LRP1B: variants seen among roughly 807,000 people sequenced by gnomAD.
LRP1B encodes low-density lipoprotein receptor-related protein 1B.
A neutral mutation model predicts 556.6 loss-of-function variants in LRP1B; 217 were observed. The observed-to-expected ratio is 0.39, with a 90% CI of 0.35 to 0.44. The LOEUF is 0.44. LRP1B is among the 20% of genes least tolerant of loss of function. The pLI, the probability that LRP1B is intolerant of heterozygous loss-of-function variation, is 1.00. For missense variants in LRP1B, 5,053 were observed against 5,620.8 expected, an observed-to-expected ratio of 0.90 and a Z score of 3.23; for synonymous variants, 2,047 against 1,865.8, an observed-to-expected ratio of 1.10 and a Z score of -2.50.
intron 7 of LRP1B, among the ~76,000 whole-genome samples, chr2:141,091,989 G>A (rs910053336): frequency 6.6e-6 from 1 of 152,128 alleles, no homozygotes; most frequent in East Asian, 1.9e-4. Flanking sequence ...TTTCATAAAT[G>A]TATGTATAGC....
intron 2 of LRP1B, among the ~76,000 whole-genome samples, chr2:141,644,785 A>AAC (rs3039266): frequency 0.14 from 19,968 of 147,796 alleles, 2,036 homozygotes; most frequent in African/African-American, 0.28. Context: ...ACACACACAC[A>AAC]ACACACACAC....
chr2:141,741,125 T>G (rs1319292828), intron 2 of LRP1B, among the ~76,000 whole-genome samples: 1 of 152,124 alleles, frequency 6.6e-6, no homozygotes, highest in Admixed American at 6.6e-5. Context: ...TGAATAGTAC[T>G]CCATGGTGTA....
At chr2:142,129,263 C>G (rs1312970771) in intron 1 of LRP1B, among the ~76,000 whole-genome samples, 1 of 152,178 alleles carries the variant, frequency 6.6e-6, no homozygotes, top group Admixed American at 6.5e-5. Context: ...GCAAGTTGAG[C>G]AAGTTCAGAA....
intron 3 of LRP1B, among the ~76,000 whole-genome samples, chr2:141,351,295 T>C (rs1199197170): frequency 6.6e-6 from 1 of 152,066 alleles, no homozygotes; most frequent in Non-Finnish European, 1.5e-5. Flanking sequence ...AATTACAGTG[T>C]CTAAGATTTC....
At chr2:141,127,322 A>G (rs1398346642) in intron 7 of LRP1B, among the ~76,000 whole-genome samples, 2 of 152,156 alleles carry the variant, frequency 1.3e-5, no homozygotes, top group Non-Finnish European at 2.9e-5. Flanking sequence ...ATTATGGAAG[A>G]CAGTGTAGTG....
intron 1 of LRP1B, among the ~76,000 whole-genome samples, chr2:141,829,660 C>G (rs1697048405): frequency 6.6e-6 from 1 of 151,990 alleles, no homozygotes; most frequent in African/African-American, 2.4e-5. Flanking sequence ...AAAGTCTGAA[C>G]ACCTCGTATT....
intron 1 of LRP1B, among the ~76,000 whole-genome samples, chr2:142,074,244 A>G (rs538344218): frequency 8.5e-5 from 13 of 152,064 alleles, no homozygotes; most frequent in Non-Finnish European, 8.8e-5. Context: ...GGCAAGTTTT[A>G]TTACCTTTCC....
chr2:142,016,135 C>G (rs1482728538), intron 1 of LRP1B, among the ~76,000 whole-genome samples: 46 of 151,718 alleles, frequency 3.0e-4, no homozygotes, highest in Admixed American at 3.0e-3. Context: ...AATGAGATAC[C>G]ATCTCATGCC....
At chr2:140,429,220 G>A (rs1392851307) in intron 66 of LRP1B, among the ~76,000 whole-genome samples, 5 of 152,056 alleles carry the variant, frequency 3.3e-5, no homozygotes, top group African/African-American at 4.8e-5. Context: ...TCTCCTTACA[G>A]TTCCCCCATT....
At chr2:141,271,461 A>G (rs1215229895) in intron 3 of LRP1B, among the ~76,000 whole-genome samples, 1 of 151,830 alleles carries the variant, frequency 6.6e-6, no homozygotes, top group Non-Finnish European at 1.5e-5. Context: ...TGAAGGACAG[A>G]GACAAAGAAA....
intron 2 of LRP1B, among the ~76,000 whole-genome samples, chr2:141,539,020 C>A (rs1308925138): frequency 2.0e-5 from 3 of 152,130 alleles, no homozygotes; most frequent in African/African-American, 4.8e-5. Flanking sequence ...AAGCTACATG[C>A]TCTTGGCACT....
chr2:140,431,838 T>C (rs1363965456), intron 66 of LRP1B, among the ~76,000 whole-genome samples: 2 of 152,170 alleles, frequency 1.3e-5, no homozygotes, highest in Admixed American at 6.5e-5. Flanking sequence ...TAATTCCTCC[T>C]ACTCTAGGTT....
intron 7 of LRP1B, among the ~76,000 whole-genome samples, chr2:141,103,536 TAA>T (rs71301759): frequency 1.4e-5 from 1 of 71,608 alleles, no homozygotes. Context: ...CTCTCTCTCT[TAA>T]AAAGTTCAGC....
intron 16 of LRP1B, among the ~76,000 whole-genome samples, chr2:140,989,944 G>C (rs1311471885): frequency 6.6e-6 from 1 of 152,006 alleles, no homozygotes; most frequent in Non-Finnish European, 1.5e-5. Flanking sequence ...GGTGGCTCAC[G>C]CCTGTAATCC....
chr2:141,759,448 T>A (rs1340086116), intron 2 of LRP1B, among the ~76,000 whole-genome samples: 1 of 152,070 alleles, frequency 6.6e-6, no homozygotes, highest in Non-Finnish European at 1.5e-5. Context: ...CTATGAAATA[T>A]AGGGATAGGG....
chr2:140,330,210 A>ATAC (rs1680727321), intron 79 of LRP1B, among the ~76,000 whole-genome samples: 1 of 115,916 alleles, frequency 8.6e-6, no homozygotes, highest in African/African-American at 3.3e-5. Context: ...AATAATAATA[A>ATAC]TAATAATAAT....
intron 59 of LRP1B, among the ~76,000 whole-genome samples, chr2:140,481,452 C>G (rs1017309528): frequency 3.3e-5 from 5 of 151,928 alleles, no homozygotes; most frequent in African/African-American, 1.2e-4. Context: ...CCTATCTAAA[C>G]TATAAGGAAA....
chr2:140,948,763 C>A (rs1344125130), intron 20 of LRP1B, among the ~76,000 whole-genome samples: 1 of 152,168 alleles, frequency 6.6e-6, no homozygotes, highest in Non-Finnish European at 1.5e-5. Flanking sequence ...GGCCTATAGG[C>A]CATTGTTTAG....
chr2:142,010,639 C>T (rs1028435368), intron 1 of LRP1B, among the ~76,000 whole-genome samples: 4 of 151,512 alleles, frequency 2.6e-5, no homozygotes, highest in East Asian at 1.9e-4. Context: ...AGAATACCCT[C>T]TCGTGTCTCC....
Sources: allele counts gnomAD v4.1 joint callset (sites outside exome capture counted in the v4.1 genomes callset), GRCh38; gene constraint gnomAD v4.1.1; transcripts MANE v1.5; gene names NCBI Gene and HGNC (gene_info 2026-07-23, HGNC 2026-07-21).